The following SEMA4B variants were observed in gnomAD, a reference collection of about 807,000 sequenced individuals.
The protein encoded by SEMA4B is semaphorin-4B.
Under a neutral mutation model 88.1 loss-of-function variants are expected in SEMA4B, and 55 were observed. That is an observed-to-expected ratio of 0.62 (90% CI 0.50 to 0.78). SEMA4B has a LOEUF of 0.78. SEMA4B is among the 30% of genes least tolerant of loss of function. SEMA4B has a pLI of 0.00. For synonymous variants in SEMA4B, 525 were observed against 473.6 expected, an observed-to-expected ratio of 1.11 and a Z score of -1.41; for missense variants, 1,062 against 1,111.9, an observed-to-expected ratio of 0.96 and a Z score of 0.64.
chr15:90,195,877 T>A (rs1960482986), intron 1 of SEMA4B, among the ~76,000 whole-genome samples: 1 of 151,622 alleles, frequency 6.6e-6, no homozygotes, highest in Non-Finnish European at 1.5e-5. Context: ...CCCAAAATGC[T>A]AGGATTCCAG....
chr15:90,188,036 G>A (rs534217032), intron 1 of SEMA4B, among the ~76,000 whole-genome samples: 3 of 151,512 alleles, frequency 2.0e-5, no homozygotes, highest in East Asian at 3.9e-4. Flanking sequence ...AAAGAAACGT[G>A]GGTCAGGCAT....
intron 1 of SEMA4B, among the ~76,000 whole-genome samples, chr15:90,213,378 A>G (rs1961365849): frequency 6.6e-6 from 1 of 152,218 alleles, no homozygotes; most frequent in Admixed American, 6.5e-5. Flanking sequence ...AGAAGGGGAA[A>G]GCCTGGTTAA....
At chr15:90,200,575 C>A (rs1399833243), upstream of SEMA4B, among the ~76,000 whole-genome samples, 1 of 152,210 alleles carries the variant, frequency 6.6e-6, no homozygotes, top group Non-Finnish European at 1.5e-5. Context: ...TGAACTCCAC[C>A]CGTGGAGATG....
At chr15:90,195,355 G>T (rs1290638044) in intron 1 of SEMA4B, among the ~76,000 whole-genome samples, 3 of 152,088 alleles carry the variant, frequency 2.0e-5, no homozygotes, top group Non-Finnish European at 4.4e-5. Flanking sequence ...GCCTCCCGAA[G>T]TGCTGGGATT....
At chr15:90,222,875 CAAG>C (rs3029962) in intron 7 of SEMA4B, among the ~76,000 whole-genome samples, 52,960 of 142,704 alleles carry the variant, frequency 0.37, 9,691 homozygotes, top group African/African-American at 0.44. Flanking sequence ...CACCCCAGCA[CAAG>C]AAGGAGTCAC....
chr15:90,225,163 C>G lies in SEMA4B; in HGVS notation c.1390C>G (p.Leu464Val). 1 of 1,605,434 alleles carries G rather than the reference C, an allele frequency of 6.2e-7. No homozygotes were observed. The highest frequency in any genetic ancestry group is 1.7e-5 in the Admixed American group (1 of 58,198). Reference sequence around the variant, plus strand: ...TGGCCTGCACCACACCTACGATGTCCTCTTCCTGGGCACTGGTAAGTGTCT... The same window carrying G: ...TGGCCTGCACCACACCTACGATGTCGTCTTCCTGGGCACTGGTAAGTGTCT... ...VPGLHHTYDV[L>V]FLGTGDGRLH... The change falls in exon 10 of 14, where the codon CTC (leucine) becomes GTC (valine). Residue 464 changes from leucine to valine, a missense_variant. Leu to Val is a conservative substitution (Grantham distance 32). Coordinates refer to ENST00000411539, the MANE Select transcript of SEMA4B (RefSeq NM_198925.4).
At position 90,215,096 on chromosome 15, in the gene SEMA4B, G is replaced by C; in HGVS notation, c.158-2343G>C. 5 of 706,270 alleles carry C rather than the reference G, an allele frequency of 7.1e-6. No homozygotes were observed. The South Asian group carries it at 1.5e-4, about 21-fold the overall frequency. The allele number at this position is 706,270 out of a possible 1,614,324, so 43.8% of individuals were successfully genotyped here. Reference sequence around the variant, plus strand: ...CTACAACGTGCCTGAGGGTGGTCAGGGTGCTGCTCTTTGCTTGTTTTTGTG... The same window carrying C: ...CTACAACGTGCCTGAGGGTGGTCAGCGTGCTGCTCTTTGCTTGTTTTTGTG... On this transcript the variant is annotated intron_variant, in intron 1 of 13. Transcript: ENST00000411539.
At chr15:90,206,816 A>G in intron 1 of SEMA4B, 1 of 730,504 alleles carries the variant, frequency 1.4e-6, no homozygotes, top group Non-Finnish European at 2.5e-6. Context: ...TGATGACAAA[A>G]GAAACTGGGG....
At chr15:90,222,249 CT>C (rs766999023) in intron 7 of SEMA4B, among the ~76,000 whole-genome samples, 4 of 104,356 alleles carry the variant, frequency 3.8e-5, no homozygotes, top group African/African-American at 1.9e-4. Flanking sequence ...CATTTTTTTT[CT>C]TTTCTTTTTT....
chr15:90,205,411 C>T (rs1026671221), intron 1 of SEMA4B, among the ~76,000 whole-genome samples: 2 of 152,236 alleles, frequency 1.3e-5, no homozygotes, highest in African/African-American at 2.4e-5. Context: ...ATCTCTTTGG[C>T]TCTGCAGAGG....
At chr15:90,209,076 T>A (rs1487457059) in intron 1 of SEMA4B, among the ~76,000 whole-genome samples, 1 of 152,200 alleles carries the variant, frequency 6.6e-6, no homozygotes, top group African/African-American at 2.4e-5. Flanking sequence ...GACCTCCACG[T>A]TGCCCCATTT....
rs1243050565 is a variant in SEMA4B, at chr15:90,228,009, C to T, written c.1880C>T (p.Ala627Val). 1.2e-6 allele frequency: 2 copies of T among 1,613,854 alleles called. No homozygotes were observed. The highest frequency in any genetic ancestry group is 2.2e-5 in the South Asian group (2 of 91,076). Residue 627 changes from alanine to valine, a missense_variant, in exon 14 of 14, where the codon GCC (alanine) becomes GTC (valine). Transcript: ENST00000411539. ...ACCCGACTCTGGCTACGCAACGGGG[C>T]CCCCGTCAATGCCTCGGCCTCCTGC... ...LATRLWLRNGAPVNASASCHV... is the reference protein window; with the variant it reads ...LATRLWLRNGVPVNASASCHV...
chr15:90,227,352 G>C (rs753108491), intron 12 of SEMA4B: 1 of 581,002 alleles, frequency 1.7e-6, no homozygotes, highest in Non-Finnish European at 3.1e-6. Context: ...TGGCCACTGA[G>C]GGTACATACT....
chr15:90,210,091 G>T (rs1179502007), intron 1 of SEMA4B, among the ~76,000 whole-genome samples: 1 of 152,226 alleles, frequency 6.6e-6, no homozygotes. Flanking sequence ...CGGTAGTGGG[G>T]ATGGTGAGGG....
At chr15:90,227,809 C>T (rs1201194165) in intron 13 of SEMA4B, 95 bp from the exon 14 acceptor site, 79 of 1,558,934 alleles carry the variant, frequency 5.1e-5, no homozygotes, top group South Asian at 9.3e-5. Flanking sequence ...AGTTGCCCAT[C>T]GTGGCACCAG....
intron 1 of SEMA4B, among the ~76,000 whole-genome samples, chr15:90,216,002 T>C (rs905674035): frequency 2.0e-5 from 3 of 151,834 alleles, no homozygotes; most frequent in Admixed American, 2.0e-4. Flanking sequence ...TTTTTTTTCT[T>C]TTTGAGATGG....
chr15:90,220,441 C>T (rs1393066668), intron 4 of SEMA4B, among the ~76,000 whole-genome samples: 2 of 141,368 alleles, frequency 1.4e-5, no homozygotes, highest in Non-Finnish European at 3.0e-5. Flanking sequence ...GATCTCGGCT[C>T]ACTGCAAGCT....
At chr15:90,216,098 C>T (rs983239685) in intron 1 of SEMA4B, among the ~76,000 whole-genome samples, 2 of 151,698 alleles carry the variant, frequency 1.3e-5, no homozygotes, top group Non-Finnish European at 2.9e-5. Context: ...AAGCGATTCT[C>T]CTGCCTCAGC....
chr15:90,196,499 T>C (rs1312627588), upstream of SEMA4B, among the ~76,000 whole-genome samples: 1 of 151,876 alleles, frequency 6.6e-6, no homozygotes, highest in Non-Finnish European at 1.5e-5. Flanking sequence ...TTCTTCTACT[T>C]TTTTTTTGAG....
Sources: allele counts gnomAD v4.1 joint callset (sites outside exome capture counted in the v4.1 genomes callset), GRCh38; gene constraint gnomAD v4.1.1; transcripts MANE v1.5; gene names NCBI Gene and HGNC (gene_info 2026-07-23, HGNC 2026-07-21).